Variants in UNC45A observed in about 807,000 individuals in gnomAD.
The protein encoded by UNC45A is protein unc-45 homolog A.
In UNC45A, 78 loss-of-function variants were observed where a neutral mutation model predicts 103.2. The observed-to-expected ratio is 0.76, with a 90% CI of 0.63 to 0.91. The LOEUF (loss-of-function observed/expected upper bound fraction) is 0.91, where lower values mean the gene tolerates loss of function less well. UNC45A is among the 40% of genes least tolerant of loss of function. UNC45A has a pLI of 0.00. For missense variants in UNC45A, 1,193 were observed against 1,224.8 expected (o/e 0.97, Z 0.39); for synonymous variants, 495 against 504.6 (o/e 0.98, Z 0.25).
At chr15:90,952,759 C>G (rs571512590) in intron 17 of UNC45A, 170 bp from the exon 18 acceptor site, 2 of 626,030 alleles carry the variant, frequency 3.2e-6, no homozygotes, top group Non-Finnish European at 5.6e-6. Flanking sequence ...CCAGATCTCA[C>G]GAGAACTTAC....
At chr15:90,951,226 A>G (rs2036894563) in intron 17 of UNC45A, among the ~76,000 whole-genome samples, 1 of 152,164 alleles carries the variant, frequency 6.6e-6, no homozygotes, top group African/African-American at 2.4e-5. Context: ...AGGCTGGTCT[A>G]GATCTCCTGA....
intron 4 of UNC45A, among the ~76,000 whole-genome samples, 159 bp downstream of exon 4, chr15:90,936,619 T>C (rs1274999446): frequency 6.6e-6 from 1 of 152,178 alleles, no homozygotes; most frequent in African/African-American, 2.4e-5. Flanking sequence ...TACTGTTGAT[T>C]TGGAGGTCTG....
upstream of UNC45A, chr15:90,934,127 G>C (rs778402870): frequency 5.0e-6 from 2 of 399,174 alleles, no homozygotes; most frequent in Non-Finnish European, 8.8e-6. Flanking sequence ...CCCTTGTCCA[G>C]CCAACCTCTC....
In UNC45A at chr15:90,939,806, A is replaced by G; in HGVS notation, c.502A>G (p.Thr168Ala). 6.2e-7 allele frequency: 1 copy of G among 1,614,140 alleles called. No individual in the cohort carries two copies. The highest frequency in any genetic ancestry group is 8.5e-7 in the Non-Finnish European group (1 of 1,180,040). ...QILLDPEEKGTEKKQKASQNL... is the reference protein window; with the variant it reads ...QILLDPEEKGAEKKQKASQNL... ...ACTGTTGGACCCAGAAGAGAAGGGC[A>G]CTGAGAAAAAGCAAAAGGTATAGGC... The change falls in exon 5 of 20, where the codon ACT (threonine) becomes GCT (alanine). Residue 168 changes from threonine (T) to alanine (A), a missense_variant. By Grantham distance (58) the Thr-to-Ala change is moderately conservative. Coordinates refer to ENST00000418476, the MANE Select transcript of UNC45A (RefSeq NM_018671.5).
At position 90,953,631 on chromosome 15, in the gene UNC45A, A is replaced by C. The variant is rs1567164974; in HGVS notation, c.2750A>C (p.His917Pro). The stretch of plus-strand genomic sequence containing the variant: ...TTGTCAGTGCTAGCTAAGGGTGACC[A>C]CAGCCCTGTCACAAGGGCTGCTGCA... ...EILSVLAKGDHSPVTRAAAAC... is the reference protein window; with the variant it reads ...EILSVLAKGDPSPVTRAAAAC... Residue 917 changes from histidine (H) to proline (P), a missense_variant, in exon 20 of 20, where the codon CAC becomes CCC. Coordinates refer to ENST00000418476, the MANE Select transcript of UNC45A (RefSeq NM_018671.5). 1 of 1,614,164 alleles carries C rather than the reference A, an allele frequency of 6.2e-7. No homozygotes were observed. Among genetic ancestry groups the C allele is most frequent in the Non-Finnish European group, 8.5e-7 (1 of 1,180,034 alleles).
rs756607205 is a variant in UNC45A at position 90,950,270 on chromosome 15, A to T, written c.2187+3A>T. On this transcript the variant is annotated splice_donor_region_variant and intron_variant, in intron 16 of 19. Coordinates refer to ENST00000418476, the MANE Select transcript of UNC45A (RefSeq NM_018671.5). ...AGATGACCTTCCCTGGCGAGCGGGT[A>T]CGTGTCTTCCTGCCCCGGCCTTTCC... 40 of 1,551,666 alleles carry T rather than the reference A, an allele frequency of 2.6e-5. No homozygotes were observed. In the South Asian group the frequency reaches 3.0e-4, roughly 12 times the overall value.
upstream of UNC45A, chr15:90,932,077 A>T: frequency 6.2e-7 from 1 of 1,610,006 alleles, no homozygotes; most frequent in Non-Finnish European, 8.5e-7. Context: ...AATGTCAGTG[A>T]TTCCCGCCTC....
chr15:90,950,086 T>C (rs897076594), intron 15 of UNC45A, 68 bp from the exon 16 acceptor site: 2 of 1,474,548 alleles, frequency 1.4e-6, no homozygotes, highest in Non-Finnish European at 1.8e-6. Context: ...CGGTCAGGGC[T>C]GGGGAGCCCG....
chr15:90,953,317 G>C lies in UNC45A; in HGVS notation c.2577+7G>C. ...CAGCCGCATTCCCCAAGTGGTCAGT[G>C]CCTCTTCTCAGTGGGGGAGGAGGGA... On this transcript the variant is annotated splice_region_variant and intron_variant, in intron 19 of 19. Transcript: ENST00000418476. 6.2e-7 allele frequency: 1 copy of C among 1,605,330 alleles called. No homozygotes were observed. Among genetic ancestry groups the C allele is most frequent in the African/African-American group, 1.3e-5 (1 of 74,952 alleles).
intron 5 of UNC45A, 42 bp from the exon 6 acceptor site, chr15:90,940,264 C>T (rs17635998): frequency 0.043 from 68,741 of 1,583,708 alleles, 7,476 homozygotes; most frequent in East Asian, 0.4. Context: ...CATCCTATGC[C>T]GTGTGCAGTG....
intron 4 of UNC45A, among the ~76,000 whole-genome samples, chr15:90,936,962 T>G (rs899453461): frequency 6.6e-6 from 1 of 152,190 alleles, no homozygotes; most frequent in African/African-American, 2.4e-5. Flanking sequence ...AAATGGGTAA[T>G]GTCCTTACTA....
chr15:90,950,158 T>C lies in UNC45A; in HGVS notation c.2078T>C (p.Leu693Pro). 6.4e-7 allele frequency: 1 copy of C among 1,551,402 alleles called. No individual in the cohort carries two copies. Among genetic ancestry groups the C allele is most frequent in the Non-Finnish European group, 8.7e-7 (1 of 1,146,978 alleles). Residue 693 changes from leucine to proline, a missense_variant, in exon 16 of 20, where the codon CTG (leucine) becomes CCG (proline). Transcript: ENST00000418476. ...GTGACGGGCTTGTTCCTACAGGCGC[T>C]GATCCCGCTGGCCCTGGAAGGCACG... ...TVVAQGGGRA[L>P]IPLALEGTDV...
intron 4 of UNC45A, among the ~76,000 whole-genome samples, chr15:90,939,189 CAGGCT>C (rs2036165614): frequency 6.6e-6 from 1 of 152,130 alleles, no homozygotes; most frequent in African/African-American, 2.4e-5. Flanking sequence ...CCTTGTTGGC[CAGGCT>C]AGTCTTGAAC....
upstream of UNC45A, chr15:90,931,681 T>C (rs749359481): frequency 4.3e-6 from 7 of 1,613,868 alleles, no homozygotes; most frequent in Non-Finnish European, 5.1e-6. Context: ...CCCTTTTCCC[T>C]TACAGCCCAT....
chr15:90,949,151 CA>C (rs1330128092), intron 13 of UNC45A, among the ~76,000 whole-genome samples, 164 bp from the exon 14 acceptor site: 1 of 152,188 alleles, frequency 6.6e-6, no homozygotes, highest in Non-Finnish European at 1.5e-5. Context: ...GCTGGGATTA[CA>C]GGTGTGAGCC....
At chr15:90,935,512 C>T (rs758383660) in intron 1 of UNC45A, 32 bp from the exon 2 acceptor site, 48 of 1,578,268 alleles carry the variant, frequency 3.0e-5, no homozygotes, top group Non-Finnish European at 4.0e-5. Flanking sequence ...CCCGAACCCC[C>T]TCCGACGTTT....
At chr15:90,938,629 G>A (rs970066668) in intron 4 of UNC45A, among the ~76,000 whole-genome samples, 1 of 152,008 alleles carries the variant, frequency 6.6e-6, no homozygotes, top group African/African-American at 2.4e-5. Context: ...TCTGGGGGGT[G>A]GGGGAGTAGG....
intron 12 of UNC45A, 171 bp from the exon 13 acceptor site, chr15:90,948,483 G>A (rs907906477): frequency 1.0e-5 from 13 of 1,281,008 alleles, no homozygotes; most frequent in Non-Finnish European, 1.4e-5. Flanking sequence ...GAGGAGCTGG[G>A]GAGGTCAAGT....
At chr15:90,935,011 C>G (rs866061411), upstream of UNC45A, 7 of 553,012 alleles carry the variant, frequency 1.3e-5, no homozygotes, top group African/African-American at 1.0e-4. Context: ...GACCGTAGAC[C>G]TCGTGCACTT....
Sources: gnomAD v4.1 joint callset for allele counts (sites outside exome capture counted in the v4.1 genomes callset) on GRCh38, gnomAD v4.1.1 for gene constraint, MANE v1.5 for transcripts, NCBI Gene and HGNC (gene_info 2026-07-23, HGNC 2026-07-21) for gene names.